Variants in PCDHGA9 observed in about 807,000 individuals in gnomAD.
PCDHGA9 encodes protocadherin gamma subfamily A, 9, also known as protocadherin gamma-A9.
In PCDHGA9, 37 loss-of-function variants were observed where a neutral mutation model predicts 62.5. That is an observed-to-expected ratio of 0.59 (90% CI 0.46 to 0.78). The LOEUF is 0.78. Among genes scored for constraint, PCDHGA9 ranks in the 30% least tolerant of loss-of-function variants. The pLI is 0.00. For synonymous variants in PCDHGA9, 459 were observed against 484.6 expected (o/e 0.95, Z 0.69); for missense variants, 1,138 against 1,166.2 (o/e 0.98, Z 0.35).
chr5:141,417,641 C>G (rs1266850894), intron 1 of PCDHGA9: 12 of 779,426 alleles, frequency 1.5e-5, no homozygotes, highest in Non-Finnish European at 2.1e-5. Context: ...CCGGGGATCC[C>G]TCAGCCTCTA....
chr5:141,480,414 CA>C (rs10712552), intron 1 of PCDHGA9, among the ~76,000 whole-genome samples: 43,347 of 147,074 alleles, frequency 0.29, 6,620 homozygotes, highest in African/African-American at 0.4. Flanking sequence ...GACCCTGTCT[CA>C]AAAAAAAAAA....
chr5:141,482,767 A>AGCTAGTACTATAATTATTTTTATTAGTTC (rs1370824281), intron 1 of PCDHGA9, among the ~76,000 whole-genome samples: 2 of 150,588 alleles, frequency 1.3e-5, no homozygotes, highest in African/African-American at 2.5e-5. Context: ...TTTCATTATC[A>AGCTAGTACTATAATTATTTTTATTAGTTC]CTGAACCTTA....
At chr5:141,437,862 C>T (rs535370570) in intron 1 of PCDHGA9, among the ~76,000 whole-genome samples, 5 of 152,002 alleles carry the variant, frequency 3.3e-5, no homozygotes, top group African/African-American at 9.6e-5. Context: ...CTTAGCCTCC[C>T]GAGTAGCTGG....
intron 1 of PCDHGA9, among the ~76,000 whole-genome samples, chr5:141,453,479 A>G (rs1345415084): frequency 1.3e-5 from 2 of 152,082 alleles, no homozygotes; most frequent in Non-Finnish European, 2.9e-5. Context: ...AGTCAAAACT[A>G]TTAAAAAAAG....
At chr5:141,424,080 C>T (rs2096798143) in intron 1 of PCDHGA9, 1 of 970,378 alleles carries the variant, frequency 1.0e-6, no homozygotes, top group Admixed American at 6.0e-5. Context: ...AGTTATATTC[C>T]ACCATTATTT....
chr5:141,504,010 C>G (rs980812107), intron 2 of PCDHGA9, among the ~76,000 whole-genome samples: 9 of 152,204 alleles, frequency 5.9e-5, no homozygotes, highest in African/African-American at 1.2e-4. Context: ...TTAACTGTCT[C>G]TGCTGGTCTC....
intron 1 of PCDHGA9, chr5:141,410,478 C>T (rs767257836): frequency 1.9e-6 from 3 of 1,613,992 alleles, no homozygotes; most frequent in Non-Finnish European, 2.5e-6. Flanking sequence ...ATTGCACATA[C>T]GGGTACAAAA....
At chr5:141,414,186 G>C in intron 1 of PCDHGA9, 1 of 1,609,824 alleles carries the variant, frequency 6.2e-7, no homozygotes, top group Non-Finnish European at 8.5e-7. Context: ...CTGCAAAAGT[G>C]TTGATTACAG....
In PCDHGA9 at chr5:141,477,772, C is replaced by G. The variant is rs760319541; in HGVS notation, c.2425-17035C>G. The G allele has an allele frequency of 1.5e-5, 25 of 1,613,908 alleles. No homozygotes were observed. Among genetic ancestry groups the G allele is most frequent in the Non-Finnish European group, 2.1e-5 (25 of 1,180,042 alleles). On this transcript the variant is annotated intron_variant, in intron 1 of 3. Coordinates refer to ENST00000573521, the MANE Select transcript of PCDHGA9 (RefSeq NM_018921.3). This position sits in a 1 kb window ranked among gnomAD's most constrained non-coding sequence, Gnocchi z 4.9. Reference sequence around the variant, plus strand: ...CCCCGGTCCTAGCCACCAACATCAGCGTGAACATATTTGTCACTGATCGCA... The same window carrying G: ...CCCCGGTCCTAGCCACCAACATCAGGGTGAACATATTTGTCACTGATCGCA...
intron 1 of PCDHGA9, among the ~76,000 whole-genome samples, chr5:141,467,055 C>CTTTTTTTTTTTTTTTTTTT (rs1193465269): frequency 7.4e-6 from 1 of 134,498 alleles, no homozygotes; most frequent in Non-Finnish European, 1.6e-5. Context: ...TCAATGTTTT[C>CTTTTTTTTTTTTTTTTTTT]TTTTTTTTTT....
chr5:141,490,467 C>T lies in PCDHGA9; in HGVS notation c.2425-4340C>T. ...AGAACCACTACTCGCTGCTAACCAG[C>T]CAGCCTTTGGACCGGGAGGCCACAT... is the stretch of plus-strand genomic sequence containing the variant. On this transcript the variant is annotated intron_variant, in intron 1 of 3. Transcript: ENST00000573521. This position sits in a 1 kb window ranked among gnomAD's most constrained non-coding sequence, Gnocchi z 5.4. The T allele has an allele frequency of 6.2e-7, 1 of 1,614,216 alleles. No individual in the cohort carries two copies. The highest frequency in any genetic ancestry group is 8.5e-7 in the Non-Finnish European group (1 of 1,180,040).
intron 1 of PCDHGA9, among the ~76,000 whole-genome samples, chr5:141,434,748 C>T (rs932613622): frequency 2.0e-5 from 3 of 151,818 alleles, no homozygotes; most frequent in African/African-American, 7.3e-5. Flanking sequence ...CTATGAGACC[C>T]CTGATTCCCC....
In PCDHGA9 at chr5:141,413,486, C is replaced by T. The variant is rs756751796; in HGVS notation, c.2424+8110C>T. On this transcript the variant is annotated intron_variant, in intron 1 of 3. Transcript: ENST00000573521. Reference sequence around the variant, plus strand: ...CGGGAGGAGCTCTGCGCTCAGAGCGCGCGGTGCGTGGTGAGTTTTAATATC... The same window carrying T: ...CGGGAGGAGCTCTGCGCTCAGAGCGTGCGGTGCGTGGTGAGTTTTAATATC... 5.0e-6 allele frequency: 8 copies of T among 1,613,914 alleles called. No homozygotes were observed. The African/African-American group carries it at 9.3e-5, about 19-fold the overall frequency.
At chr5:141,414,861 T>C in intron 1 of PCDHGA9, 1 of 1,614,118 alleles carries the variant, frequency 6.2e-7, no homozygotes, top group Admixed American at 1.7e-5. Context: ...AGAACGACAA[T>C]GCGCCCGAGA....
rs774682943 is a variant in PCDHGA9 at position 141,493,841 on chromosome 5, T to G, written c.2425-966T>G. Among the ~76,000 whole-genome samples the G allele has an allele frequency of 3.3e-5, 5 of 152,024 alleles. No homozygotes were observed. Among genetic ancestry groups the G allele is most frequent in the Non-Finnish European group, 7.4e-5 (5 of 68,010 alleles). On this transcript the variant is annotated intron_variant, in intron 1 of 3. Transcript: ENST00000573521. This position sits in a 1 kb window ranked among gnomAD's most constrained non-coding sequence, Gnocchi z 4.3. The stretch of plus-strand genomic sequence containing the variant: ...CTCTGCTTCTGGGAGCAAGTATGAG[T>G]ATTAATTACCAGCCCACCCCAGAAC...
chr5:141,423,755 G>GGGA, intron 1 of PCDHGA9: 3 of 512,508 alleles, frequency 5.9e-6, no homozygotes, highest in Non-Finnish European at 7.8e-6. Flanking sequence ...CTGTTTGGGG[G>GGGA]GGGGGTGGGG....
intron 1 of PCDHGA9, among the ~76,000 whole-genome samples, chr5:141,473,871 T>A (rs2099330260): frequency 1.3e-5 from 2 of 152,190 alleles, no homozygotes; most frequent in Admixed American, 6.5e-5. Context: ...TTGTGGAGAA[T>A]GCATACACAA....
rs776374898 is a variant in PCDHGA9, at chr5:141,414,958, G to A, written c.2424+9582G>A. ...AGAGCCCGGCTACCTGGTGACCAAG[G>A]TGGTGGCGGTGGACAGAGACTCCGG... On this transcript the variant is annotated intron_variant, in intron 1 of 3. Coordinates refer to ENST00000573521, the MANE Select transcript of PCDHGA9 (RefSeq NM_018921.3). The A allele has an allele frequency of 3.7e-6, 6 of 1,614,024 alleles. No homozygotes were observed. The South Asian group carries it at 4.4e-5, about 12-fold the overall frequency.
rs151293422 is a variant in PCDHGA9, at chr5:141,487,556, A to G, written c.2425-7251A>G. ...GATGGTGAAGTCACCCAGTGCACCT[A>G]TGGCAGGGGAGCCTGTTCGCCCAAG... On this transcript the variant is annotated intron_variant, in intron 1 of 3. Coordinates refer to ENST00000573521, the MANE Select transcript of PCDHGA9 (RefSeq NM_018921.3). This position sits in a 1 kb window ranked among gnomAD's most constrained non-coding sequence, Gnocchi z 5.0. 2,837 of 1,614,100 alleles carry G rather than the reference A, an allele frequency of 1.8e-3. 31 individuals are homozygous for G. The highest frequency in any genetic ancestry group is 1.2e-3 in the South Asian group (105 of 91,084).
Sources: gnomAD v4.1 joint callset for allele counts (sites outside exome capture counted in the v4.1 genomes callset) on GRCh38, gnomAD v4.1.1 for gene constraint, Gnocchi (gnomAD v3.1) non-coding constraint, MANE v1.5 for transcripts, NCBI Gene and HGNC (gene_info 2026-07-23, HGNC 2026-07-21) for gene names.